The following SPDYA variants were observed in gnomAD, a reference collection of about 807,000 sequenced individuals.
SPDYA encodes the protein speedy protein A.
In SPDYA, 11 loss-of-function variants were observed where a neutral mutation model predicts 36.7. The ratio of observed to expected loss-of-function variants is 0.30; its 90% CI spans 0.19 to 0.50. The LOEUF (loss-of-function observed/expected upper bound fraction) is 0.50. Ranked by LOEUF, SPDYA falls within the 20% of genes least tolerant of loss-of-function variation. The probability of loss-of-function intolerance (pLI) is 0.98; values close to 1 mark genes in which losing one functional copy is unlikely to be tolerated. For synonymous variants in SPDYA, 115 were observed against 118.7 expected (o/e 0.97, Z 0.20); for missense variants, 287 against 370.9 (o/e 0.77, Z 1.86).
chr2:28,837,683 C>T lies in SPDYA; in HGVS notation c.553-2489C>T, dbSNP rs1668640453. ...GTTAAGTGACTTCTTCAAAGACACA[C>T]AATAAGTAAAGCAGCACTCCAGTAT... On this transcript the variant is annotated intron_variant, in intron 6 of 7. Coordinates refer to ENST00000334056, the MANE Select transcript of SPDYA (RefSeq NM_182756.4). 4.0e-5 allele frequency among the ~76,000 whole-genome samples: 6 copies of T among 148,928 alleles called. No individual in the cohort carries two copies. In the Admixed American group the frequency reaches 4.0e-4, roughly 10 times the overall value.
At chr2:28,812,703 G>A (rs1286035374) in intron 1 of SPDYA, among the ~76,000 whole-genome samples, 1 of 151,400 alleles carries the variant, frequency 6.6e-6, no homozygotes, top group African/African-American at 2.4e-5. Context: ...CTGAAAATAC[G>A]AAAATTAGCG....
chr2:28,818,053 G>A lies in SPDYA; in HGVS notation c.236-995G>A, dbSNP rs537314588. Among the ~76,000 whole-genome samples the A allele has an allele frequency of 3.0e-3, 444 of 150,000 alleles. 2 individuals carry two copies. Among genetic ancestry groups the A allele is most frequent in the African/African-American group, 9.9e-3 (403 of 40,736 alleles). ...ATGGTGGTGCATACCTGTAGTCCCA[G>A]CTATCTGGGGGGCTGAGGTGGGAGG... On this transcript the variant is annotated intron_variant, in intron 3 of 7. Transcript: ENST00000334056.
intron 7 of SPDYA, among the ~76,000 whole-genome samples, chr2:28,847,392 G>A (rs1668905243): frequency 6.6e-6 from 1 of 151,536 alleles, no homozygotes; most frequent in South Asian, 2.1e-4. Flanking sequence ...ATATAGTCAT[G>A]CGCCACATAA....
chr2:28,821,197 C>CTTTTTTTTT (rs11464702), intron 4 of SPDYA, among the ~76,000 whole-genome samples: 5 of 98,840 alleles, frequency 5.1e-5, no homozygotes, highest in East Asian at 3.1e-4. Context: ...TTTTCTTTTT[C>CTTTTTTTTT]TTTTTTTTTT....
chr2:28,816,215 G>A lies in SPDYA; in HGVS notation c.201G>A (p.Gln67=). 1 of 1,613,186 alleles carries A rather than the reference G, an allele frequency of 6.2e-7. No homozygotes were observed. The highest frequency in any genetic ancestry group is 8.5e-7 in the Non-Finnish European group (1 of 1,179,742). The part of the protein sequence containing the change: ...KRPKGPCLVI[Q]RQDMTAFFKL... ...CCAAAGGACCTTGTCTGGTTATACAGCGTCAGGATATGACTGCTTTCTTTA... is the reference window on the plus strand; with the variant it reads ...CCAAAGGACCTTGTCTGGTTATACAACGTCAGGATATGACTGCTTTCTTTA... Residue 67 remains glutamine (Q), a synonymous_variant, in exon 3 of 8, where the codon CAG becomes CAA. Coordinates refer to ENST00000334056, the MANE Select transcript of SPDYA (RefSeq NM_182756.4).
At position 28,816,202 on chromosome 2, in the gene SPDYA, G is replaced by T; in HGVS notation, c.188G>T (p.Cys63Phe). 1.9e-6 allele frequency: 3 copies of T among 1,613,872 alleles called. No individual in the cohort carries two copies. Among genetic ancestry groups the T allele is most frequent in the Non-Finnish European group, 2.5e-6 (3 of 1,179,920 alleles). Residue 63 changes from cysteine (C) to phenylalanine (F), a missense_variant, in exon 3 of 8, where the codon TGT (cysteine) becomes TTT (phenylalanine). Transcript: ENST00000334056. ...AAATCTAAACGCCCCAAAGGACCTT[G>T]TCTGGTTATACAGCGTCAGGATATG... ...NNKSKRPKGPCLVIQRQDMTA... is the reference protein window; with the variant it reads ...NNKSKRPKGPFLVIQRQDMTA...
At chr2:28,841,616 A>G (rs1668751433) in intron 7 of SPDYA, among the ~76,000 whole-genome samples, 1 of 152,166 alleles carries the variant, frequency 6.6e-6, no homozygotes, top group South Asian at 2.1e-4. Flanking sequence ...TTTTACCACA[A>G]AGATATTAAT....
intron 5 of SPDYA, among the ~76,000 whole-genome samples, chr2:28,824,987 T>A (rs541367329): frequency 4.6e-5 from 7 of 152,300 alleles, no homozygotes; most frequent in South Asian, 2.1e-4. Context: ...CCACAAAAAA[T>A]TTTAATGTAG....
At chr2:28,830,405 G>C (rs1240144578) in intron 6 of SPDYA, among the ~76,000 whole-genome samples, 1 of 151,776 alleles carries the variant, frequency 6.6e-6, no homozygotes. Context: ...GGGTTTCGCC[G>C]TGTTAGCCAG....
chr2:28,825,380 T>A (rs1668291354), intron 5 of SPDYA, among the ~76,000 whole-genome samples: 1 of 152,142 alleles, frequency 6.6e-6, no homozygotes, highest in African/African-American at 2.4e-5. Context: ...GCAATACAAT[T>A]ATCTGTAAGG....
chr2:28,838,574 A>T (rs1443974596), intron 6 of SPDYA, among the ~76,000 whole-genome samples: 1 of 152,170 alleles, frequency 6.6e-6, no homozygotes, highest in East Asian at 1.9e-4. Flanking sequence ...TTATATGATT[A>T]TATGTGTATA....
At position 28,850,298 on chromosome 2, in the gene SPDYA, C is replaced by G; in HGVS notation, c.*357C>G. The G allele has an allele frequency of 6.2e-7, 1 of 1,600,810 alleles. No homozygotes were observed. Among genetic ancestry groups the G allele is most frequent in the Non-Finnish European group, 8.5e-7 (1 of 1,170,290 alleles). ...TTATATTAATTAAAAGAAAAAACAC[C>G]ATTTAATATGTTCTGAAAACATTAC... On this transcript the variant is annotated 3_prime_UTR_variant, in exon 8 of 8. Coordinates refer to ENST00000334056, the MANE Select transcript of SPDYA (RefSeq NM_182756.4).
At chr2:28,845,573 T>C (rs1668852039) in intron 7 of SPDYA, among the ~76,000 whole-genome samples, 1 of 152,050 alleles carries the variant, frequency 6.6e-6, no homozygotes, top group Admixed American at 6.6e-5. Context: ...TGAGATGGAG[T>C]TTTGCTTGTT....
chr2:28,821,886 T>C (rs1668177736), intron 4 of SPDYA, among the ~76,000 whole-genome samples: 2 of 152,218 alleles, frequency 1.3e-5, no homozygotes, highest in Non-Finnish European at 2.9e-5. Context: ...TTTTAAAAAG[T>C]GAGTATGGAT....
chr2:28,815,283 AACAC>A (rs55773017), intron 2 of SPDYA, among the ~76,000 whole-genome samples: 13,760 of 136,760 alleles, frequency 0.1, 708 homozygotes, highest in East Asian at 0.14. Context: ...CCCTGTCTGA[AACAC>A]ACACACACAC....
In SPDYA at chr2:28,811,113, T is replaced by C. The variant is rs1337014006; in HGVS notation, c.-93+166T>C. ...CCTCCCGTGGGCGCCCTCAGCTGCCTTCGCGGCGACGACACACGCGCTCCC... is the reference window on the plus strand; with the variant it reads ...CCTCCCGTGGGCGCCCTCAGCTGCCCTCGCGGCGACGACACACGCGCTCCC... On this transcript the variant is annotated intron_variant, in intron 1 of 7. Transcript: ENST00000334056. The surrounding 1 kb of genome is among the most constrained non-coding windows in gnomAD (Gnocchi z 4.2). The C allele has an allele frequency of 1.3e-5, 2 of 152,328 alleles. No homozygotes were observed. The highest frequency in any genetic ancestry group is 2.9e-5 in the Non-Finnish European group (2 of 68,160). 9.4% of individuals were successfully genotyped at this position (152,328 alleles called of 1,614,324 possible).
In SPDYA at chr2:28,837,823, G is replaced by C. The variant is rs572960214; in HGVS notation, c.553-2349G>C. On this transcript the variant is annotated intron_variant, in intron 6 of 7. Coordinates refer to ENST00000334056, the MANE Select transcript of SPDYA (RefSeq NM_182756.4). ...TTCCTCCCCATTCTCCTCCCTGCCA[G>C]GGAGAGGAGAAGCTGACTGGGTTGG... Among the ~76,000 whole-genome samples, 202 of 151,124 alleles carry C rather than the reference G, an allele frequency of 1.3e-3. 1 individual carries two copies. The highest frequency in any genetic ancestry group is 2.3e-3 in the Non-Finnish European group (159 of 67,872).
At chr2:28,821,197 CTTTTTTTTTTT>C in intron 4 of SPDYA, among the ~76,000 whole-genome samples, 1 of 98,842 alleles carries the variant, frequency 1.0e-5, no homozygotes, top group Non-Finnish European at 1.9e-5. Flanking sequence ...TTTTCTTTTT[CTTTTTTTTTTT>C]TTTTTTTTTG....
chr2:28,831,547 T>C (rs1316507355), intron 6 of SPDYA, among the ~76,000 whole-genome samples: 2 of 152,256 alleles, frequency 1.3e-5, no homozygotes, highest in Non-Finnish European at 2.9e-5. Context: ...TTTAAATGAA[T>C]TTAATTCCAT....
Sources: allele counts gnomAD v4.1 joint callset (sites outside exome capture counted in the v4.1 genomes callset), GRCh38; gene constraint gnomAD v4.1.1; non-coding constraint Gnocchi (gnomAD v3.1); transcripts MANE v1.5; gene names NCBI Gene and HGNC (gene_info 2026-07-23, HGNC 2026-07-21).